LTBP2: variants seen among roughly 807,000 people sequenced by gnomAD.
LTBP2 encodes the protein latent-transforming growth factor beta-binding protein 2.
In LTBP2, 103 loss-of-function variants were observed where a neutral mutation model predicts 210.6. The observed-to-expected ratio is 0.49, with a 90% CI of 0.42 to 0.58. LTBP2 has a LOEUF of 0.58. Among genes scored for constraint, LTBP2 ranks in the 20% least tolerant of loss-of-function variants. LTBP2 has a pLI of 0.00. For synonymous variants in LTBP2, 1,007 were observed against 1,015.0 expected (o/e 0.99, Z 0.15); for missense variants, 2,313 against 2,494.5 (o/e 0.93, Z 1.55).
intron 8 of LTBP2, among the ~76,000 whole-genome samples, chr14:74,547,833 C>T (rs2087597160): frequency 6.6e-6 from 1 of 152,222 alleles, no homozygotes; most frequent in Admixed American, 6.5e-5. Flanking sequence ...TCTTGGGAAC[C>T]AGAACCTGCC....
chr14:74,543,590 T>C (rs906852207), intron 8 of LTBP2, among the ~76,000 whole-genome samples: 3 of 105,382 alleles, frequency 2.8e-5, no homozygotes, highest in African/African-American at 1.1e-4. Flanking sequence ...GTCTCAAGGC[T>C]GGCATGCTGG....
intron 4 of LTBP2, among the ~76,000 whole-genome samples, chr14:74,554,037 C>T (rs1329125481): frequency 6.7e-6 from 1 of 149,740 alleles, no homozygotes; most frequent in Non-Finnish European, 1.5e-5. Flanking sequence ...GGTGAAGATA[C>T]AGAAGAGGGG....
intron 30 of LTBP2, among the ~76,000 whole-genome samples, 177 bp from the exon 31 acceptor site, chr14:74,504,231 G>C (rs765441691): frequency 6.6e-6 from 1 of 152,228 alleles, no homozygotes; most frequent in Non-Finnish European, 1.5e-5. Flanking sequence ...TAGAGTTGTT[G>C]TAAGGATGAA....
intron 2 of LTBP2, among the ~76,000 whole-genome samples, chr14:74,599,635 G>A (rs368397274): frequency 6.6e-6 from 1 of 152,386 alleles, no homozygotes. Context: ...CAAGACTGGA[G>A]GAGGAGATGG....
At chr14:74,597,145 G>A (rs1289908346) in intron 2 of LTBP2, among the ~76,000 whole-genome samples, 2 of 152,248 alleles carry the variant, frequency 1.3e-5, no homozygotes, top group Admixed American at 6.5e-5. Flanking sequence ...CACAGGAGGG[G>A]ACCAGGACAG....
At position 74,513,313 on chromosome 14, in the gene LTBP2, G is replaced by C. The variant is rs116970187; in HGVS notation, c.2909-1949C>G. Among the ~76,000 whole-genome samples, 649 of 152,358 alleles carry C rather than the reference G, an allele frequency of 4.3e-3. 14 individuals are homozygous for C. Among genetic ancestry groups the C allele is most frequent in the Admixed American group, 0.033 (499 of 15,312 alleles). ...GTGGTTGGGTGGAGCCATGAGACTA[G>C]TGAGGGCCAACGAACTGTGAGTGCG... On this transcript the variant is annotated intron_variant, in intron 18 of 35. Coordinates refer to ENST00000261978, the MANE Select transcript of LTBP2 (RefSeq NM_000428.3).
chr14:74,523,744 T>A (rs1404739804), intron 15 of LTBP2, among the ~76,000 whole-genome samples: 1 of 152,180 alleles, frequency 6.6e-6, no homozygotes, highest in African/African-American at 2.4e-5. Context: ...TGAATGATGC[T>A]TCTGCATTTG....
At chr14:74,570,413 G>A (rs765566759) in intron 3 of LTBP2, among the ~76,000 whole-genome samples, 13 of 152,176 alleles carry the variant, frequency 8.5e-5, no homozygotes, top group Non-Finnish European at 1.8e-4. Context: ...GTAGACTAAG[G>A]CAGCTAGGGA....
At position 74,550,036 on chromosome 14, in the gene LTBP2, G is replaced by T. The variant is rs2087630797; in HGVS notation, c.1687-71C>A. The T allele has an allele frequency of 9.0e-6, 9 of 1,003,048 alleles. No homozygotes were observed. In the South Asian group the frequency reaches 1.0e-4, roughly 11 times the overall value. 62.1% of individuals were successfully genotyped at this position (1,003,048 alleles called of 1,614,324 possible). A position where few individuals can be genotyped will look rare whatever the true frequency, so the allele number is the denominator to read the frequency against. ...CCAGGCTGTGCACAGAGATGTCCCG[G>T]GAAAGCCTAGGACACAGAGCTCACT... On this transcript the variant is annotated intron_variant, in intron 7 of 35. Coordinates refer to ENST00000261978, the MANE Select transcript of LTBP2 (RefSeq NM_000428.3).
At chr14:74,603,764 A>G in intron 1 of LTBP2, 59 bp from the exon 2 acceptor site, 5 of 1,430,364 alleles carry the variant, frequency 3.5e-6, no homozygotes, top group Non-Finnish European at 3.9e-6. Flanking sequence ...GACTATTCAC[A>G]GCCCCTCCGA....
intron 1 of LTBP2, among the ~76,000 whole-genome samples, chr14:74,609,668 C>A (rs1310205739): frequency 6.6e-6 from 1 of 152,212 alleles, no homozygotes; most frequent in African/African-American, 2.4e-5. Context: ...CCACATGCTG[C>A]CCACAGAGCC....
At chr14:74,549,618 C>T (rs1226368190) in intron 8 of LTBP2, among the ~76,000 whole-genome samples, 3 of 152,226 alleles carry the variant, frequency 2.0e-5, no homozygotes, top group Non-Finnish European at 4.4e-5. Flanking sequence ...AGAATCTCTG[C>T]AAGAGAGAGC....
intron 31 of LTBP2, 139 bp from the exon 32 acceptor site, chr14:74,503,745 G>C (rs200549727): frequency 2.1e-6 from 3 of 1,409,124 alleles, no homozygotes; most frequent in South Asian, 1.3e-5. Flanking sequence ...AGCCTGGAAG[G>C]CCCTCCTGGG....
Position 74,507,323 on chromosome 14 carries a change from C to T in LTBP2, c.3776-13G>A. On this transcript the variant is annotated splice_polypyrimidine_tract_variant and intron_variant, in intron 25 of 35. Coordinates refer to ENST00000261978, the MANE Select transcript of LTBP2 (RefSeq NM_000428.3). ...CACTCGTCAATATCTGTCCCCAGAG[C>T]CATGCCATGAGAGAGGACAGAGGTG... is the stretch of plus-strand genomic sequence containing the variant. 3 of 1,613,848 alleles carry T rather than the reference C, an allele frequency of 1.9e-6. No homozygotes were observed. Among genetic ancestry groups the T allele is most frequent in the Non-Finnish European group, 2.5e-6 (3 of 1,179,790 alleles).
At chr14:74,508,228 C>A in intron 24 of LTBP2, 133 bp from the exon 25 acceptor site, 1 of 1,165,908 alleles carries the variant, frequency 8.6e-7, no homozygotes, top group Non-Finnish European at 1.2e-6. Flanking sequence ...AGGCTCGAAG[C>A]CAGAGGCCAG....
intron 3 of LTBP2, among the ~76,000 whole-genome samples, chr14:74,565,248 C>T (rs61980889): frequency 0.084 from 12,708 of 152,186 alleles, 680 homozygotes; most frequent in African/African-American, 0.16. Context: ...GGGACTAGTA[C>T]CCTAGCAAAG....
chr14:74,529,226 A>G (rs2087319626), intron 10 of LTBP2, 104 bp from the exon 11 acceptor site: 3 of 1,351,216 alleles, frequency 2.2e-6, no homozygotes, highest in Non-Finnish European at 3.1e-6. Context: ...ATGCACTCAG[A>G]CTGGCCTGGC....
chr14:74,552,458 G>T, intron 5 of LTBP2, 65 bp from the exon 6 acceptor site: 2 of 1,440,850 alleles, frequency 1.4e-6, no homozygotes, highest in South Asian at 2.3e-5. Context: ...TGTGGCTGGT[G>T]ACCACCACAG....
rs575008750 is a variant in LTBP2 at position 74,528,249 on chromosome 14, A to G, written c.2368+234T>C. On this transcript the variant is annotated intron_variant, in intron 12 of 35. Transcript: ENST00000261978. ...GCTGCGGCTGATCTTTCCCACCTCCACAAGCAACTCCCTGGGGCGTGGGCA... is the reference window on the plus strand; with the variant it reads ...GCTGCGGCTGATCTTTCCCACCTCCGCAAGCAACTCCCTGGGGCGTGGGCA... 2.6e-5 allele frequency among the ~76,000 whole-genome samples: 4 copies of G among 152,172 alleles called. No homozygotes were observed. The South Asian group carries it at 8.3e-4, about 32-fold the overall frequency.
Sources: gnomAD v4.1 joint callset for allele counts (sites outside exome capture counted in the v4.1 genomes callset) on GRCh38, gnomAD v4.1.1 for gene constraint, MANE v1.5 for transcripts, NCBI Gene and HGNC (gene_info 2026-07-23, HGNC 2026-07-21) for gene names.